Variants in EPHB2 observed in about 807,000 individuals in gnomAD.
The protein encoded by EPHB2 is EPH receptor B2, also known as ephrin type-B receptor 2.
In EPHB2, 18 loss-of-function variants were observed where a neutral mutation model predicts 96.4. That is an observed-to-expected ratio of 0.19 (90% CI 0.13 to 0.28). The LOEUF (loss-of-function observed/expected upper bound fraction) is 0.28. EPHB2 is among the 10% of genes least tolerant of loss of function. The probability of loss-of-function intolerance (pLI) is 1.00; values close to 1 mark genes in which losing one functional copy is unlikely to be tolerated. For synonymous variants in EPHB2, 506 were observed against 534.1 expected, an observed-to-expected ratio of 0.95 and a Z score of 0.72; for missense variants, 989 against 1,355.4, an observed-to-expected ratio of 0.73 and a Z score of 4.25.
chr1:22,905,623 C>T (rs1323645976), intron 9 of EPHB2, among the ~76,000 whole-genome samples: 2 of 152,198 alleles, frequency 1.3e-5, no homozygotes, highest in Admixed American at 6.5e-5. Context: ...ACGTTGCACC[C>T]CTTGATTCTG....
At chr1:22,759,173 C>T (rs1483040741) in intron 1 of EPHB2, among the ~76,000 whole-genome samples, 1 of 152,158 alleles carries the variant, frequency 6.6e-6, no homozygotes, top group Non-Finnish European at 1.5e-5. Flanking sequence ...AGCTCGCTTC[C>T]TCACCTGCCA....
Position 22,784,747 on chromosome 1 carries a change from C to G in EPHB2, c.482C>G (p.Thr161Ser). Reference sequence around the variant, plus strand: ...GGTGGCCGCGTCATGAAAATCAACACCGAGGTGCGGAGCTTCGGACCTGTG... The same window carrying G: ...GGTGGCCGCGTCATGAAAATCAACAGCGAGGTGCGGAGCTTCGGACCTGTG... Reference protein sequence around the residue: ...DLGGRVMKINTEVRSFGPVSR... With the variant: ...DLGGRVMKINSEVRSFGPVSR... The change falls in exon 3 of 16, where the codon ACC becomes AGC. Residue 161 changes from threonine to serine, a missense_variant. Coordinates refer to ENST00000374630, the MANE Select transcript of EPHB2 (RefSeq NM_017449.5). This position sits in a 1 kb window ranked among gnomAD's most constrained non-coding sequence, Gnocchi z 5.1. 4 of 1,612,528 alleles carry G rather than the reference C, an allele frequency of 2.5e-6. No individual in the cohort carries two copies. Among genetic ancestry groups the G allele is most frequent in the South Asian group, 1.1e-5 (1 of 91,034 alleles).
intron 3 of EPHB2, among the ~76,000 whole-genome samples, chr1:22,827,244 G>A (rs1313993213): frequency 1.3e-5 from 2 of 152,116 alleles, no homozygotes; most frequent in African/African-American, 2.4e-5. Context: ...GTCTGTCCTC[G>A]GAGCCCCTGG....
intron 5 of EPHB2, among the ~76,000 whole-genome samples, chr1:22,871,030 C>G (rs961422062): frequency 9.9e-5 from 15 of 152,202 alleles, no homozygotes; most frequent in African/African-American, 3.6e-4. Flanking sequence ...CCCAAAACGG[C>G]TCACATTTGT....
intron 3 of EPHB2, among the ~76,000 whole-genome samples, chr1:22,828,791 G>A (rs1364602509): frequency 1.3e-5 from 2 of 152,216 alleles, no homozygotes; most frequent in African/African-American, 4.8e-5. Flanking sequence ...GGCACAGAGA[G>A]GCCAAGAGGC....
At chr1:22,788,862 C>T (rs1241352616) in intron 3 of EPHB2, among the ~76,000 whole-genome samples, 1 of 148,388 alleles carries the variant, frequency 6.7e-6, no homozygotes, top group Non-Finnish European at 1.5e-5. Context: ...TCAAGCAATT[C>T]TTGTGCCTCA....
chr1:22,844,781 G>A (rs1360004104), intron 3 of EPHB2, among the ~76,000 whole-genome samples: 8 of 152,184 alleles, frequency 5.3e-5, no homozygotes, highest in African/African-American at 1.9e-4. Context: ...ATAGCCTGGG[G>A]CCAGCATCCT....
rs1004043723 is a variant in EPHB2 at position 22,921,463 on chromosome 1, C to T, written c.*7893C>T. 3 of 152,116 alleles carry T rather than the reference C, an allele frequency of 2.0e-5. No individual in the cohort carries two copies. Among genetic ancestry groups the T allele is most frequent in the South Asian group, 2.1e-4 (1 of 4,816 alleles). 9.4% of individuals were successfully genotyped at this position (152,116 alleles called of 1,614,324 possible). On this transcript the variant is annotated 3_prime_UTR_variant, in exon 16 of 16. Transcript: ENST00000374630. ...TTTGTAGGAGTATTTTTAGCAGAAC[C>T]GTTTTTTTCCCAAAATAAATGTGAA... is the stretch of plus-strand genomic sequence containing the variant.
rs1040558802 is a variant in EPHB2 at position 22,858,066 on chromosome 1, G to A, written c.812-4971G>A. On this transcript the variant is annotated intron_variant, in intron 3 of 15. Coordinates refer to ENST00000374630, the MANE Select transcript of EPHB2 (RefSeq NM_017449.5). This position sits in a 1 kb window ranked among gnomAD's most constrained non-coding sequence, Gnocchi z 7.7. ...GCTTTAGCCAGGGTGGTCAGGGTGG[G>A]CCTCTCGGAGGAGGTGGCATTTAAG... is the stretch of plus-strand genomic sequence containing the variant. Among the ~76,000 whole-genome samples, 5 of 152,188 alleles carry A rather than the reference G, an allele frequency of 3.3e-5. No homozygotes were observed. The highest frequency in any genetic ancestry group is 7.2e-5 in the African/African-American group (3 of 41,456).
chr1:22,711,623 C>T (rs970942682), intron 1 of EPHB2, among the ~76,000 whole-genome samples: 6 of 151,964 alleles, frequency 3.9e-5, no homozygotes, highest in Admixed American at 3.3e-4. Flanking sequence ...TCGCCCGCGG[C>T]GTACAATGGG....
intron 9 of EPHB2, among the ~76,000 whole-genome samples, chr1:22,905,004 C>A (rs1639864140): frequency 1.3e-5 from 2 of 152,178 alleles, no homozygotes; most frequent in African/African-American, 2.4e-5. Flanking sequence ...GAGCAGGATG[C>A]TGGAAGAGCC....
At position 22,893,050 on chromosome 1, in the gene EPHB2, A is replaced by G. The variant is rs1639444986; in HGVS notation, c.1591+4A>G. 1 of 1,614,214 alleles carries G rather than the reference A, an allele frequency of 6.2e-7. No homozygotes were observed. Among genetic ancestry groups the G allele is most frequent in the Non-Finnish European group, 8.5e-7 (1 of 1,180,048 alleles). On this transcript the variant is annotated splice_donor_region_variant and intron_variant, in intron 7 of 15. Coordinates refer to ENST00000374630, the MANE Select transcript of EPHB2 (RefSeq NM_017449.5). ...TACTTCCAGACCATGACAGAAGGTG[A>G]GCAGAGTCCAGCGGGCAAGAGGAGG...
At chr1:22,908,385 A>G (rs1403497785) in intron 12 of EPHB2, among the ~76,000 whole-genome samples, 1 of 152,272 alleles carries the variant, frequency 6.6e-6, no homozygotes, top group Non-Finnish European at 1.5e-5. Context: ...ACAGGGCTGT[A>G]AGCCAGGACA....
intron 1 of EPHB2, among the ~76,000 whole-genome samples, chr1:22,777,758 G>A (rs986443516): frequency 6.6e-5 from 10 of 152,174 alleles, no homozygotes; most frequent in Middle Eastern, 3.2e-3. Flanking sequence ...GGCAGACTAA[G>A]TTGGAGCCTC....
intron 3 of EPHB2, among the ~76,000 whole-genome samples, chr1:22,849,983 G>A (rs1645601598): frequency 6.6e-6 from 1 of 152,206 alleles, no homozygotes. Flanking sequence ...AGCTCACCAA[G>A]CAGGTAAAAA....
At chr1:22,885,941 C>T (rs1364055295) in intron 6 of EPHB2, among the ~76,000 whole-genome samples, 1 of 152,180 alleles carries the variant, frequency 6.6e-6, no homozygotes, top group Non-Finnish European at 1.5e-5. Context: ...AACTTTCACT[C>T]TCACCAGCTT....
chr1:22,811,519 G>T (rs12035865), intron 3 of EPHB2, among the ~76,000 whole-genome samples: 15,519 of 152,210 alleles, frequency 0.1, 1,551 homozygotes, highest in East Asian at 0.56. Flanking sequence ...AAAGATAATT[G>T]CCTGGGCACT....
intron 1 of EPHB2, among the ~76,000 whole-genome samples, chr1:22,764,511 C>T (rs1396530470): frequency 3.3e-5 from 5 of 151,992 alleles, no homozygotes; most frequent in Admixed American, 6.6e-5. Flanking sequence ...TTTGGGAGGC[C>T]GAGCCAGGCG....
chr1:22,882,251 C>T, intron 5 of EPHB2, 108 bp from the exon 6 acceptor site: 5 of 1,562,386 alleles, frequency 3.2e-6, no homozygotes, highest in Non-Finnish European at 4.3e-6. Context: ...AGATGCCCTT[C>T]CCTCTCTGAT....
Sources: allele counts gnomAD v4.1 joint callset (sites outside exome capture counted in the v4.1 genomes callset), GRCh38; gene constraint gnomAD v4.1.1; non-coding constraint Gnocchi (gnomAD v3.1); transcripts MANE v1.5; gene names NCBI Gene and HGNC (gene_info 2026-07-23, HGNC 2026-07-21).